Variants in ADPRH observed in about 807,000 individuals in gnomAD.
The protein encoded by ADPRH is ADP-ribose-L-arginine cleaving enzyme.
A neutral mutation model predicts 28.8 loss-of-function variants in ADPRH; 27 were observed. The ratio of observed to expected loss-of-function variants is 0.94; its 90% CI spans 0.69 to 1.29. The LOEUF (loss-of-function observed/expected upper bound fraction) is 1.29, where lower values mean the gene tolerates loss of function less well. Among genes scored for constraint, ADPRH ranks in the 50% most tolerant of loss-of-function variants. The pLI is 0.00. For missense variants in ADPRH, 419 were observed against 444.8 expected, an observed-to-expected ratio of 0.94 and a Z score of 0.52; for synonymous variants, 161 against 166.9, an observed-to-expected ratio of 0.96 and a Z score of 0.27.
In ADPRH at chr3:119,587,686, C is replaced by T. The variant is rs2082476733; in HGVS notation, c.882C>T (p.His294=). 1 of 1,614,084 alleles carries T rather than the reference C, an allele frequency of 6.2e-7. No individual in the cohort carries two copies. Among genetic ancestry groups the T allele is most frequent in the Admixed American group, 1.7e-5 (1 of 60,004 alleles). The change falls in exon 5 of 5, where the codon CAC becomes CAT. Residue 294 remains histidine (H), a synonymous_variant. Coordinates refer to ENST00000357003, the MANE Select transcript of ADPRH (RefSeq NM_001125.4). ...GAGACTCCTGGAAGGAGCTTGCCCA[C>T]CGAGCCTTTTTCCATGGTGGAGACA... is the stretch of plus-strand genomic sequence containing the variant. The part of the protein sequence containing the change: ...AAGDSWKELA[H]RAFFHGGDSD...
intron 2 of ADPRH, among the ~76,000 whole-genome samples, chr3:119,581,911 C>T (rs2082407835): frequency 6.6e-6 from 1 of 152,196 alleles, no homozygotes; most frequent in African/African-American, 2.4e-5. Flanking sequence ...TGAGACAAGT[C>T]ACTGAACATT....
chr3:119,583,334 A>G (rs887331241), intron 3 of ADPRH, among the ~76,000 whole-genome samples: 3 of 152,214 alleles, frequency 2.0e-5, no homozygotes, highest in African/African-American at 7.2e-5. Flanking sequence ...ACTCAATAAC[A>G]ATGTATCGTA....
Position 119,582,389 on chromosome 3 carries a change from C to T in ADPRH, c.220C>T (p.Pro74Ser). 6.2e-7 allele frequency: 1 copy of T among 1,614,132 alleles called. No individual in the cohort carries two copies. Among genetic ancestry groups the T allele is most frequent in the South Asian group, 1.1e-5 (1 of 91,078 alleles). The change falls in exon 3 of 5, where the codon CCT becomes TCT. Residue 74 changes from proline to serine, a missense_variant. Physicochemically the swap from Pro to Ser is moderately conservative, Grantham distance 74. Coordinates refer to ENST00000357003, the MANE Select transcript of ADPRH (RefSeq NM_001125.4). ...AEALVEAGKA[P>S]KLTQLYYLLA... ...AGCTCTTGTGGAAGCTGGGAAAGCCCCTAAGTTGACTCAACTGTATTACCT... is the reference window on the plus strand; with the variant it reads ...AGCTCTTGTGGAAGCTGGGAAAGCCTCTAAGTTGACTCAACTGTATTACCT...
chr3:119,585,221 T>G (rs1179849350), intron 3 of ADPRH, among the ~76,000 whole-genome samples: 6 of 152,216 alleles, frequency 3.9e-5, no homozygotes, highest in Non-Finnish European at 8.8e-5. Flanking sequence ...AACTTTTTTT[T>G]GTCCACCTGT....
chr3:119,587,472 T>A lies in ADPRH; in HGVS notation c.668T>A (p.Phe223Tyr), dbSNP rs558829713. 64 of 1,547,366 alleles carry A rather than the reference T, an allele frequency of 4.1e-5. No individual in the cohort carries two copies. Among genetic ancestry groups the A allele is most frequent in the Non-Finnish European group, 4.8e-5 (55 of 1,146,092 alleles). ...VEENLQHWSY[F>Y]QTKWENYLKL... ...TTTTTTCCTTTCTACAGGTCCTACT[T>A]CCAAACCAAATGGGAAAATTACCTA... is the stretch of plus-strand genomic sequence containing the variant. Residue 223 changes from phenylalanine (F) to tyrosine (Y), a missense_variant, in exon 5 of 5, where the codon TTC becomes TAC. Coordinates refer to ENST00000357003, the MANE Select transcript of ADPRH (RefSeq NM_001125.4).
Position 119,583,706 on chromosome 3 carries a change from G to GT in ADPRH, c.298+1242dup, listed in dbSNP as rs1031405086. Among the ~76,000 whole-genome samples, 22 of 152,074 alleles carry GT rather than the reference G, an allele frequency of 1.4e-4. 3 individuals are homozygous for GT. The highest frequency in any genetic ancestry group is 5.3e-4 in the African/African-American group (22 of 41,472). On this transcript the variant is annotated intron_variant, in intron 3 of 4. Transcript: ENST00000357003. ...GTGAGAGGATTGCTTGAGTCCAGGA[G>GT]TTTGAGACCAGCCTGGGCAACATAG...
At chr3:119,585,921 A>G (rs2082454612) in intron 3 of ADPRH, among the ~76,000 whole-genome samples, 1 of 152,258 alleles carries the variant, frequency 6.6e-6, no homozygotes, top group Non-Finnish European at 1.5e-5. Flanking sequence ...CCAGCCACTA[A>G]CTAGCTGATT....
intron 2 of ADPRH, 63 bp from the exon 3 acceptor site, chr3:119,582,071 G>GTGGTTTT: frequency 1.6e-6 from 2 of 1,268,984 alleles, no homozygotes; most frequent in Non-Finnish European, 2.2e-6. Flanking sequence ...AGCTAGAGTC[G>GTGGTTTT]TTGTTTTTTC....
At position 119,586,486 on chromosome 3, in the gene ADPRH, C is replaced by T. The variant is rs747350089; in HGVS notation, c.500C>T (p.Thr167Ile). Residue 167 changes from threonine (T) to isoleucine (I), a missense_variant, in exon 4 of 5, where the codon ACA (threonine) becomes ATA (isoleucine). Physicochemically the swap from Thr to Ile is moderately conservative, Grantham distance 89. Coordinates refer to ENST00000357003, the MANE Select transcript of ADPRH (RefSeq NM_001125.4). ...GGTCGGATGACCCACCACCACCCAA[C>T]AGGCTACCTGGGGGCCCTTGCGTCT... ...ESGRMTHHHP[T>I]GYLGALASAL... 1.2e-6 allele frequency: 2 copies of T among 1,614,266 alleles called. No homozygotes were observed. Among genetic ancestry groups the T allele is most frequent in the South Asian group, 2.2e-5 (2 of 91,090 alleles).
rs749711115 is a variant in ADPRH, at chr3:119,586,558, G to C, written c.572G>C (p.Trp191Ser). 236 of 1,613,934 alleles carry C rather than the reference G, an allele frequency of 1.5e-4. No individual in the cohort carries two copies. Among genetic ancestry groups the C allele is most frequent in the Non-Finnish European group, 2.0e-4 (231 of 1,179,996 alleles). Reference sequence around the variant, plus strand: ...GTGAATAGCAGACCACCCTTGCAGTGGGGAAAAGGACTGATGGAGCTGCTA... The same window carrying C: ...GTGAATAGCAGACCACCCTTGCAGTCGGGAAAAGGACTGATGGAGCTGCTA... ...YAVNSRPPLQ[W>S]GKGLMELLPE... Residue 191 changes from tryptophan (W) to serine (S), a missense_variant, in exon 4 of 5, where the codon TGG becomes TCG. Trp to Ser is a radical substitution (Grantham distance 177). Coordinates refer to ENST00000357003, the MANE Select transcript of ADPRH (RefSeq NM_001125.4).
intron 3 of ADPRH, 92 bp from the exon 4 acceptor site, chr3:119,586,193 A>C: frequency 1.3e-6 from 2 of 1,559,648 alleles, no homozygotes; most frequent in Non-Finnish European, 1.7e-6. Flanking sequence ...TTTCCATCAA[A>C]AATACTTGGA....
chr3:119,587,980 C>G lies in ADPRH; in HGVS notation c.*102C>G. ...AAGTCAAGAGTCTTAACCTTGTACT[C>G]AGGGAATTTTGAGATAACAAGTCCC... On this transcript the variant is annotated 3_prime_UTR_variant, in exon 5 of 5. Transcript: ENST00000357003. The G allele has an allele frequency of 7.5e-7, 1 of 1,339,956 alleles. No homozygotes were observed. Among genetic ancestry groups the G allele is most frequent in the African/African-American group, 1.5e-5 (1 of 68,476 alleles). 83.0% of individuals were successfully genotyped at this position (1,339,956 alleles called of 1,614,324 possible). A position where few individuals can be genotyped will look rare whatever the true frequency, so the allele number is the denominator to read the frequency against.
chr3:119,582,060 T>C, intron 2 of ADPRH, 74 bp from the exon 3 acceptor site: 2 of 1,189,648 alleles, frequency 1.7e-6, no homozygotes, highest in South Asian at 1.5e-5. Context: ...CAATAAAACA[T>C]AGCTAGAGTC....
chr3:119,583,184 G>A (rs943228293), intron 3 of ADPRH, among the ~76,000 whole-genome samples: 2 of 152,070 alleles, frequency 1.3e-5, no homozygotes, highest in African/African-American at 2.4e-5. Context: ...AGCTAGGATC[G>A]TGCCACTGCA....
chr3:119,588,944 AGAG>A lies in ADPRH; in HGVS notation c.*1067_*1069del, dbSNP rs1209007124. On this transcript the variant is annotated 3_prime_UTR_variant, in exon 5 of 5. Transcript: ENST00000357003. ...GCTCGTGCTTCCCTCATTACCCTCC[AGAG>A]TTATGTTTACGAATAACAAATTGAC... The A allele has an allele frequency of 2.0e-4, 31 of 152,372 alleles. No homozygotes were observed. Among genetic ancestry groups the A allele is most frequent in the African/African-American group, 5.8e-4 (24 of 41,594 alleles). 9.4% of individuals were successfully genotyped at this position (152,372 alleles called of 1,614,324 possible). A position where few individuals can be genotyped will look rare whatever the true frequency, so the allele number is the denominator to read the frequency against.
In ADPRH at chr3:119,579,600, G is replaced by A. The variant is rs2082387305; in HGVS notation, c.-374G>A. On this transcript the variant is annotated 5_prime_UTR_variant, in exon 1 of 5. Transcript: ENST00000357003. ...ACGGAGGTCCCGTCCACTCTCGCTT[G>A]GGTGCAGAAGGGCGCGGCGGTGCCA... 1 of 152,314 alleles carries A rather than the reference G, an allele frequency of 6.6e-6. No homozygotes were observed. The highest frequency in any genetic ancestry group is 1.5e-5 in the Non-Finnish European group (1 of 68,082). The allele number at this position is 152,314 out of a possible 1,614,324, so 9.4% of individuals were successfully genotyped here.
intron 3 of ADPRH, among the ~76,000 whole-genome samples, chr3:119,584,295 G>C (rs1284953953): frequency 6.6e-6 from 1 of 151,840 alleles, no homozygotes; most frequent in Non-Finnish European, 1.5e-5. Context: ...AGGCATGGTG[G>C]CTCATGCCTG....
Position 119,587,517 on chromosome 3 carries a change from A to C in ADPRH, c.713A>C (p.Asp238Ala). 2.5e-6 allele frequency: 4 copies of C among 1,593,322 alleles called. No homozygotes were observed. The highest frequency in any genetic ancestry group is 2.6e-6 in the Non-Finnish European group (3 of 1,168,376). The change falls in exon 5 of 5, where the codon GAT (aspartate) becomes GCT (alanine). Residue 238 changes from aspartate to alanine, a missense_variant. Transcript: ENST00000357003. ...ENYLKLRGILDGESAPTFPES... is the reference protein window; with the variant it reads ...ENYLKLRGILAGESAPTFPES... ...TACCTAAAACTTAGAGGGATTTTGG[A>C]TGGAGAATCAGCCCCTACCTTCCCT...
At chr3:119,586,765 C>T in intron 4 of ADPRH, 120 bp downstream of exon 4, 1 of 1,366,716 alleles carries the variant, frequency 7.3e-7, no homozygotes, top group Non-Finnish European at 9.8e-7. Context: ...CACCCCCAGC[C>T]CCCTTTCTAC....
Sources: gnomAD v4.1 joint callset for allele counts (sites outside exome capture counted in the v4.1 genomes callset) on GRCh38, gnomAD v4.1.1 for gene constraint, MANE v1.5 for transcripts, NCBI Gene and HGNC (gene_info 2026-07-23, HGNC 2026-07-21) for gene names.